Variants in VWA8 observed in about 807,000 individuals in gnomAD.
VWA8 encodes von Willebrand factor A domain-containing protein 8.
VWA8 carries 221 observed loss-of-function variants against 241.5 expected under a neutral mutation model. The ratio of observed to expected loss-of-function variants is 0.91; its 90% CI spans 0.82 to 1.02. VWA8 has a LOEUF of 1.02. Among genes scored for constraint, VWA8 ranks in the 50% least tolerant of loss-of-function variants. The probability of loss-of-function intolerance (pLI) is 0.00; values close to 1 mark genes in which losing one functional copy is unlikely to be tolerated. For synonymous variants in VWA8, 852 were observed against 827.1 expected (o/e 1.03, Z -0.52); for missense variants, 2,322 against 2,328.7 (o/e 1.00, Z 0.06).
chr13:41,952,623 G>A (rs1878183583), intron 1 of VWA8, among the ~76,000 whole-genome samples: 1 of 152,062 alleles, frequency 6.6e-6, no homozygotes, highest in Non-Finnish European at 1.5e-5. Context: ...ACGTTTTCAG[G>A]CACAGGTTCT....
At chr13:41,721,597 C>T (rs1459926628) in intron 24 of VWA8, 22 bp from the exon 25 acceptor site, 1 of 1,597,278 alleles carries the variant, frequency 6.3e-7, no homozygotes, top group African/African-American at 1.3e-5. Context: ...AAAAGATTCA[C>T]ATTCAGTATG....
chr13:41,939,447 T>A (rs992637232), intron 2 of VWA8, among the ~76,000 whole-genome samples: 1 of 151,992 alleles, frequency 6.6e-6, no homozygotes, highest in Non-Finnish European at 1.5e-5. Flanking sequence ...GAAGTTATAA[T>A]GATCAAGGCA....
chr13:41,932,760 A>G (rs1877182853), intron 2 of VWA8, among the ~76,000 whole-genome samples: 1 of 151,942 alleles, frequency 6.6e-6, no homozygotes, highest in Non-Finnish European at 1.5e-5. Flanking sequence ...ACTTGATGAC[A>G]TCCAACATCT....
Position 41,778,003 on chromosome 13 carries a change from T to A in VWA8, c.2331A>T (p.Leu777Phe), listed in dbSNP as rs1566453381. The A allele has an allele frequency of 1.2e-6, 2 of 1,611,696 alleles. No homozygotes were observed. Among genetic ancestry groups the A allele is most frequent in the South Asian group, 2.2e-5 (2 of 90,684 alleles). ...AACTCACCTGGTTGCCAACCAATAATAAGTGTTCTCCAAGGAGAAAGTCTT... is the reference window on the plus strand; with the variant it reads ...AACTCACCTGGTTGCCAACCAATAAAAAGTGTTCTCCAAGGAGAAAGTCTT... ...MLKDFLLGEH[L>F]LLVGNQGVGK... The change falls in exon 20 of 45, where the codon TTA becomes TTT. Residue 777 changes from leucine (L) to phenylalanine (F), a missense_variant. Leu to Phe is a conservative substitution (Grantham distance 22). Coordinates refer to ENST00000379310, the MANE Select transcript of VWA8 (RefSeq NM_015058.2).
chr13:41,881,705 C>T (rs184319874), intron 9 of VWA8, among the ~76,000 whole-genome samples: 18,926 of 106,034 alleles, frequency 0.18, 619 homozygotes, highest in East Asian at 0.23. Flanking sequence ...ACCTCCCGGA[C>T]GGGGCGGCTG....
At chr13:41,765,029 T>C (rs554271799) in intron 20 of VWA8, among the ~76,000 whole-genome samples, 1 of 152,078 alleles carries the variant, frequency 6.6e-6, no homozygotes, top group African/African-American at 2.4e-5. Flanking sequence ...AATGAATATA[T>C]TTAAGAGATA....
At chr13:41,853,634 ATTTCT>A (rs1185402037) in intron 12 of VWA8, among the ~76,000 whole-genome samples, 1 of 151,976 alleles carries the variant, frequency 6.6e-6, no homozygotes, top group Non-Finnish European at 1.5e-5. Context: ...GAATTTACCA[ATTTCT>A]TTTAAGTTAT....
chr13:41,794,037 C>T (rs1037373214), intron 17 of VWA8, among the ~76,000 whole-genome samples: 2 of 151,886 alleles, frequency 1.3e-5, no homozygotes, highest in African/African-American at 4.8e-5. Flanking sequence ...GTTTTGGTTA[C>T]TGTAGCCTTG....
intron 25 of VWA8, 70 bp downstream of exon 25, chr13:41,721,300 C>A: frequency 1.3e-6 from 2 of 1,505,110 alleles, no homozygotes; most frequent in Non-Finnish European, 9.1e-7. Context: ...AACTCTGGTA[C>A]AAACTGTACA....
At chr13:41,705,280 A>ATG (rs1349028039) in intron 26 of VWA8, among the ~76,000 whole-genome samples, 5 of 129,740 alleles carry the variant, frequency 3.9e-5, no homozygotes, top group Non-Finnish European at 6.4e-5. Flanking sequence ...CCAGGAAAGA[A>ATG]TGTGTGTGTG....
Position 41,567,882 on chromosome 13 carries a change from G to A in VWA8, c.*315C>T, listed in dbSNP as rs186657053. On this transcript the variant is annotated 3_prime_UTR_variant, in exon 45 of 45. Transcript: ENST00000379310. ...AAAGCAAAGTATTTTCTCCCCCTCAGGTTTTTGGAAATAGACCAAACACAT... is the reference window on the plus strand; with the variant it reads ...AAAGCAAAGTATTTTCTCCCCCTCAAGTTTTTGGAAATAGACCAAACACAT... 1.3e-4 allele frequency: 30 copies of A among 232,752 alleles called. No homozygotes were observed. The highest frequency in any genetic ancestry group is 6.0e-4 in the Admixed American group (11 of 18,450). The allele number at this position is 232,752 out of a possible 1,614,324, so 14.4% of individuals were successfully genotyped here.
intron 5 of VWA8, 125 bp from the exon 6 acceptor site, chr13:41,887,486 C>A: frequency 9.5e-7 from 1 of 1,055,104 alleles, no homozygotes; most frequent in Non-Finnish European, 1.3e-6. Flanking sequence ...ACTCTCAAAT[C>A]CATACTGTCA....
chr13:41,597,052 TA>T (rs1474898670), intron 40 of VWA8, among the ~76,000 whole-genome samples: 1 of 152,054 alleles, frequency 6.6e-6, no homozygotes, highest in Non-Finnish European at 1.5e-5. Context: ...ATGAAGAGAA[TA>T]AAAAGACTTA....
chr13:41,591,074 C>T (rs1016048832), intron 40 of VWA8, among the ~76,000 whole-genome samples: 2 of 152,148 alleles, frequency 1.3e-5, no homozygotes, highest in African/African-American at 2.4e-5. Flanking sequence ...TTTTCTGTCA[C>T]GGTGCTTCTC....
chr13:41,629,970 T>C (rs776449786), intron 37 of VWA8, among the ~76,000 whole-genome samples: 7 of 152,190 alleles, frequency 4.6e-5, no homozygotes, highest in Non-Finnish European at 8.8e-5. Flanking sequence ...TAGCTACAAA[T>C]TATACTGTAG....
At position 41,681,482 on chromosome 13, in the gene VWA8, C is replaced by T. The variant is rs116819175; in HGVS notation, c.4327+3565G>A. ...TAAATACAATATGATACTATTTACA[C>T]AAAGTTTAAAAACATAAAAAAAGCT... On this transcript the variant is annotated intron_variant, in intron 35 of 44. Coordinates refer to ENST00000379310, the MANE Select transcript of VWA8 (RefSeq NM_015058.2). Among the ~76,000 whole-genome samples the T allele has an allele frequency of 9.8e-3, 1,493 of 152,026 alleles. 25 individuals carry two copies. Among genetic ancestry groups the T allele is most frequent in the African/African-American group, 0.035 (1,440 of 41,458 alleles).
At chr13:41,808,775 GAA>G (rs1870337273) in intron 17 of VWA8, among the ~76,000 whole-genome samples, 1 of 151,852 alleles carries the variant, frequency 6.6e-6, no homozygotes, top group African/African-American at 2.4e-5. Flanking sequence ...ATACAAGAGA[GAA>G]ATGAAAAGTA....
intron 38 of VWA8, among the ~76,000 whole-genome samples, chr13:41,614,229 C>T (rs2044607077): frequency 1.3e-5 from 2 of 152,222 alleles, no homozygotes; most frequent in South Asian, 4.1e-4. Context: ...CCGAGGCTGT[C>T]AAGGCCAAGA....
At chr13:41,816,919 A>G in intron 15 of VWA8, 144 bp from the exon 16 acceptor site, 1 of 669,240 alleles carries the variant, frequency 1.5e-6, no homozygotes, top group Non-Finnish European at 2.5e-6. Flanking sequence ...TGTTTAACTT[A>G]TGGATAAAGT....
Sources: allele counts gnomAD v4.1 joint callset (sites outside exome capture counted in the v4.1 genomes callset), GRCh38; gene constraint gnomAD v4.1.1; transcripts MANE v1.5; gene names NCBI Gene and HGNC (gene_info 2026-07-23, HGNC 2026-07-21).